Variants in KCTD9 observed in about 807,000 individuals in gnomAD.
KCTD9 encodes the protein potassium channel tetramerization domain containing 9.
KCTD9 carries 17 observed loss-of-function variants against 53.3 expected under a neutral mutation model. The ratio of observed to expected loss-of-function variants is 0.32; its 90% CI spans 0.22 to 0.48. KCTD9 has a LOEUF of 0.48. Ranked by LOEUF, KCTD9 falls within the 20% of genes least tolerant of loss-of-function variation. The pLI, the probability that KCTD9 is intolerant of heterozygous loss-of-function variation, is 0.99. For synonymous variants in KCTD9, 128 were observed against 162.7 expected, an observed-to-expected ratio of 0.79 and a Z score of 1.62; for missense variants, 179 against 465.5, an observed-to-expected ratio of 0.38 and a Z score of 5.66.
At chr8:25,437,392 CAA>C (rs1802036639) in intron 6 of KCTD9, among the ~76,000 whole-genome samples, 1 of 151,978 alleles carries the variant, frequency 6.6e-6, no homozygotes, top group Non-Finnish European at 1.5e-5. Context: ...CATAGAAATA[CAA>C]AAGACAGGCC....
chr8:25,450,198 A>G (rs1277562703), intron 1 of KCTD9, among the ~76,000 whole-genome samples: 2 of 152,226 alleles, frequency 1.3e-5, no homozygotes, highest in African/African-American at 4.8e-5. Flanking sequence ...AATATTTTCT[A>G]ATCTGGCTGT....
chr8:25,449,777 A>T (rs1220739105), intron 1 of KCTD9, among the ~76,000 whole-genome samples: 1 of 152,158 alleles, frequency 6.6e-6, no homozygotes, highest in Non-Finnish European at 1.5e-5. Flanking sequence ...ACAAATTTCC[A>T]TCATCTCAGT....
intron 10 of KCTD9, 84 bp downstream of exon 10, chr8:25,433,246 C>A: frequency 1.4e-6 from 1 of 706,190 alleles, no homozygotes; most frequent in Non-Finnish European, 2.4e-6. Flanking sequence ...TATCCTGTTT[C>A]ACCCTTAACA....
At chr8:25,455,880 T>C (rs904247190) in intron 1 of KCTD9, among the ~76,000 whole-genome samples, 1 of 152,204 alleles carries the variant, frequency 6.6e-6, no homozygotes, top group Admixed American at 6.5e-5. Context: ...TCACATTATT[T>C]TATATTTTTA....
At chr8:25,458,161 G>T in intron 1 of KCTD9, 38 bp downstream of exon 1, 2 of 1,091,420 alleles carry the variant, frequency 1.8e-6, no homozygotes, top group South Asian at 1.6e-5. Flanking sequence ...CCCTCGCCCC[G>T]ACCCCCGGCC....
At chr8:25,446,044 T>TG in intron 2 of KCTD9, 85 bp downstream of exon 2, 2 of 1,519,388 alleles carry the variant, frequency 1.3e-6, no homozygotes, top group Non-Finnish European at 1.8e-6. Flanking sequence ...CTCTTAACAG[T>TG]GATTAAATTA....
chr8:25,453,996 G>A (rs945262680), intron 1 of KCTD9, among the ~76,000 whole-genome samples: 6 of 152,164 alleles, frequency 3.9e-5, no homozygotes, highest in African/African-American at 1.2e-4. Context: ...CTCTAACAAC[G>A]TAATGGATTC....
At chr8:25,452,296 G>A (rs1586439143) in intron 1 of KCTD9, among the ~76,000 whole-genome samples, 1 of 152,308 alleles carries the variant, frequency 6.6e-6, no homozygotes, top group East Asian at 1.9e-4. Context: ...TCAAGTGTTG[G>A]AGTGGATGTG....
intron 1 of KCTD9, chr8:25,457,237 T>C: frequency 2.9e-6 from 1 of 342,950 alleles, no homozygotes; most frequent in African/African-American, 2.2e-5. Flanking sequence ...TTTACAGTGT[T>C]CCCCGAATGT....
At chr8:25,455,054 GTC>G (rs2117449531) in intron 1 of KCTD9, among the ~76,000 whole-genome samples, 1 of 152,062 alleles carries the variant, frequency 6.6e-6, no homozygotes, top group African/African-American at 2.4e-5. Context: ...GGTGAAAACC[GTC>G]TCTACTAAAA....
At chr8:25,452,984 T>C (rs1306657894) in intron 1 of KCTD9, among the ~76,000 whole-genome samples, 1 of 152,066 alleles carries the variant, frequency 6.6e-6, no homozygotes, top group Non-Finnish European at 1.5e-5. Flanking sequence ...CTGGGCAATA[T>C]AGGAAGACAT....
intron 1 of KCTD9, among the ~76,000 whole-genome samples, chr8:25,448,367 G>A (rs954929591): frequency 6.6e-6 from 1 of 152,110 alleles, no homozygotes; most frequent in Non-Finnish European, 1.5e-5. Context: ...CAGAATAAAG[G>A]TTACCAAGGC....
intron 6 of KCTD9, among the ~76,000 whole-genome samples, chr8:25,438,745 G>A (rs557527768): frequency 1.3e-5 from 2 of 152,318 alleles, no homozygotes; most frequent in South Asian, 4.1e-4. Flanking sequence ...ATGTAGATAG[G>A]GTCAAGAGTG....
intron 3 of KCTD9, among the ~76,000 whole-genome samples, chr8:25,444,065 C>G (rs1261819905): frequency 6.6e-6 from 1 of 152,098 alleles, no homozygotes; most frequent in Non-Finnish European, 1.5e-5. Flanking sequence ...ATGTATACCT[C>G]CAGAGCATTT....
chr8:25,451,360 T>A (rs954084885), intron 1 of KCTD9: 1 of 152,182 alleles, frequency 6.6e-6, no homozygotes, highest in Non-Finnish European at 1.5e-5. Context: ...GCAATAAAAA[T>A]CTTGTATATC....
At chr8:25,453,292 G>A (rs1245527876) in intron 1 of KCTD9, among the ~76,000 whole-genome samples, 1 of 151,924 alleles carries the variant, frequency 6.6e-6, no homozygotes, top group African/African-American at 2.4e-5. Flanking sequence ...AGGAGGCAGA[G>A]GTTGCAGTGA....
chr8:25,453,405 C>T (rs1374134920), intron 1 of KCTD9, among the ~76,000 whole-genome samples: 2 of 151,474 alleles, frequency 1.3e-5, no homozygotes, highest in South Asian at 4.2e-4. Context: ...CCTGTAATTC[C>T]AGCACTTTGG....
intron 10 of KCTD9, 123 bp from the exon 11 acceptor site, chr8:25,432,760 C>G (rs980104253): frequency 7.4e-6 from 6 of 812,230 alleles, no homozygotes; most frequent in Non-Finnish European, 1.2e-5. Flanking sequence ...AAAATCTTGT[C>G]TCTCAACGAA....
At chr8:25,454,402 T>C (rs1416623398) in intron 1 of KCTD9, among the ~76,000 whole-genome samples, 1 of 152,098 alleles carries the variant, frequency 6.6e-6, no homozygotes, top group Non-Finnish European at 1.5e-5. Context: ...CTTGCACAGC[T>C]CATTATTGAA....
Sources: gnomAD v4.1 joint callset for allele counts (sites outside exome capture counted in the v4.1 genomes callset) on GRCh38, gnomAD v4.1.1 for gene constraint, MANE v1.5 for transcripts, NCBI Gene and HGNC (gene_info 2026-07-23, HGNC 2026-07-21) for gene names.